Variants in PCM1 observed in about 807,000 individuals in gnomAD.
PCM1 encodes the protein pericentriolar material 1 protein.
In PCM1, 157 loss-of-function variants were observed where a neutral mutation model predicts 241.9. That is an observed-to-expected ratio of 0.65 (90% CI 0.57 to 0.74). The LOEUF (loss-of-function observed/expected upper bound fraction) is 0.74, where lower values mean the gene tolerates loss of function less well. Among genes scored for constraint, PCM1 ranks in the 30% least tolerant of loss-of-function variants. The pLI, the probability that PCM1 is intolerant of heterozygous loss-of-function variation, is 0.00. For synonymous variants in PCM1, 1,085 were observed against 784.9 expected (o/e 1.38, Z -6.39); for missense variants, 3,478 against 2,360.1 (o/e 1.47, Z -9.81).
intron 23 of PCM1, among the ~76,000 whole-genome samples, chr8:17,976,606 C>G (rs1291709634): frequency 6.6e-6 from 1 of 152,210 alleles, no homozygotes; most frequent in Non-Finnish European, 1.5e-5. Flanking sequence ...CAGACCTTAA[C>G]CTCTCTGCGC....
intron 29 of PCM1, 74 bp from the exon 30 acceptor site, chr8:18,006,189 G>A (rs1775290135): frequency 8.3e-7 from 1 of 1,198,874 alleles, no homozygotes; most frequent in African/African-American, 1.5e-5. Flanking sequence ...TTAACATTTT[G>A]TATTATATGG....
intron 10 of PCM1, 138 bp downstream of exon 10, chr8:17,955,791 G>A: frequency 2.8e-6 from 2 of 702,982 alleles, no homozygotes; most frequent in Non-Finnish European, 4.9e-6. Flanking sequence ...GGTAGAAGAG[G>A]CGTGTGTGTG....
chr8:17,960,579 C>T, intron 15 of PCM1, 135 bp downstream of exon 15: 2 of 591,986 alleles, frequency 3.4e-6, no homozygotes, highest in Non-Finnish European at 5.4e-6. Flanking sequence ...GGCTGAAGTG[C>T]AGTGGCGTGA....
At chr8:17,957,178 G>A (rs1027488712) in intron 11 of PCM1, 86 bp from the exon 12 acceptor site, 2 of 1,059,732 alleles carry the variant, frequency 1.9e-6, no homozygotes, top group South Asian at 1.8e-5. Flanking sequence ...TTGGTTTGGT[G>A]TTATTTTATT....
Position 18,028,841 on chromosome 8 carries a change from A to G in PCM1, c.*1179A>G, listed in dbSNP as rs421680. The G allele has an allele frequency of 0.071, 13,057 of 185,036 alleles. 734 individuals carry two copies. Among genetic ancestry groups the G allele is most frequent in the African/African-American group, 0.15 (6,621 of 42,718 alleles). The allele number at this position is 185,036 out of a possible 1,614,324, so 11.5% of individuals were successfully genotyped here. On this transcript the variant is annotated 3_prime_UTR_variant, in exon 39 of 39. Coordinates refer to ENST00000325083, the MANE Select transcript of PCM1 (RefSeq NM_006197.4). ...TACCCCATAAAAAAAGAACTTGTTG[A>G]GAGTATTTCTTTAAAATGGTTACTT... is the stretch of plus-strand genomic sequence containing the variant.
chr8:17,989,325 A>C (rs1019938688), intron 26 of PCM1, among the ~76,000 whole-genome samples: 1 of 152,008 alleles, frequency 6.6e-6, no homozygotes, highest in Admixed American at 6.6e-5. Context: ...GGCCAGTGGA[A>C]ATGGTCTTTA....
intron 24 of PCM1, among the ~76,000 whole-genome samples, chr8:17,982,841 T>C (rs1167778133): frequency 6.6e-6 from 1 of 152,086 alleles, no homozygotes; most frequent in African/African-American, 2.4e-5. Flanking sequence ...AAATTCCTTA[T>C]AGCATGTAAG....
intron 2 of PCM1, among the ~76,000 whole-genome samples, chr8:17,931,796 G>A (rs1271103817): frequency 1.3e-5 from 2 of 152,070 alleles, no homozygotes; most frequent in East Asian, 1.9e-4. Context: ...GAATACAGTA[G>A]TTGCAAAATG....
At chr8:17,945,287 C>G (rs976760014) in intron 6 of PCM1, among the ~76,000 whole-genome samples, 1 of 152,082 alleles carries the variant, frequency 6.6e-6, no homozygotes, top group African/African-American at 2.4e-5. Flanking sequence ...GGTAACTCCC[C>G]TTATATAGGA....
chr8:17,962,930 T>G, intron 16 of PCM1, 171 bp from the exon 17 acceptor site: 1 of 532,488 alleles, frequency 1.9e-6, no homozygotes, highest in East Asian at 3.3e-5. Flanking sequence ...GGCTGATTTT[T>G]TTGTAATCAT....
chr8:17,933,794 T>C (rs2059685665), intron 2 of PCM1, among the ~76,000 whole-genome samples: 1 of 152,146 alleles, frequency 6.6e-6, no homozygotes, highest in Non-Finnish European at 1.5e-5. Flanking sequence ...TTCATATTTG[T>C]CTGCTTGATA....
rs1401573283 is a variant in PCM1 at position 18,013,420 on chromosome 8, T to A, written c.5512-544T>A. On this transcript the variant is annotated intron_variant, in intron 34 of 38. Coordinates refer to ENST00000325083, the MANE Select transcript of PCM1 (RefSeq NM_006197.4). ...CAGGTTTGGGGCTCACTAGTTTAAT[T>A]TCTCTAAAATATAATCTGCCATTTT... Among the ~76,000 whole-genome samples, 6 of 152,298 alleles carry A rather than the reference T, an allele frequency of 3.9e-5. No homozygotes were observed. The East Asian group carries it at 1.2e-3, about 29-fold the overall frequency.
intron 10 of PCM1, 75 bp from the exon 11 acceptor site, chr8:17,956,529 A>G (rs953192801): frequency 3.4e-5 from 31 of 899,012 alleles, no homozygotes; most frequent in Admixed American, 1.0e-4. Flanking sequence ...GTTAGCTGCT[A>G]TGATATGAAA....
rs1586714054 is a variant in PCM1, at chr8:17,955,323, T to C, written c.1289-147T>C. ...TTGATGTGTTTAATTGTGGAGTAAG[T>C]TAATAAACAATTTTCTGAAATTTAA... On this transcript the variant is annotated intron_variant, in intron 9 of 38. Coordinates refer to ENST00000325083, the MANE Select transcript of PCM1 (RefSeq NM_006197.4). The C allele has an allele frequency of 3.7e-5, 22 of 587,536 alleles. No homozygotes were observed. The East Asian group carries it at 6.2e-4, about 17-fold the overall frequency. 36.4% of individuals were successfully genotyped at this position (587,536 alleles called of 1,614,324 possible).
In PCM1 at chr8:17,991,655, G is replaced by C; in HGVS notation, c.4645G>C (p.Asp1549His). ...NMRCTCRIIEDGDGAGAGTTV... is the reference protein window; with the variant it reads ...NMRCTCRIIEHGDGAGAGTTV... ...GAGATGCACCTGCAGGATTATTGAG[G>C]ATGGAGATGGTGCTGGTGCAGGTAC... is the stretch of plus-strand genomic sequence containing the variant. Residue 1549 changes from aspartate to histidine, a missense_variant, in exon 28 of 39, where the codon GAT becomes CAT. Coordinates refer to ENST00000325083, the MANE Select transcript of PCM1 (RefSeq NM_006197.4). 1 of 1,564,294 alleles carries C rather than the reference G, an allele frequency of 6.4e-7. No individual in the cohort carries two copies. The highest frequency in any genetic ancestry group is 8.7e-7 in the Non-Finnish European group (1 of 1,153,508).
chr8:17,939,347 G>A (rs1241413691), intron 5 of PCM1, among the ~76,000 whole-genome samples: 1 of 145,184 alleles, frequency 6.9e-6, no homozygotes, highest in African/African-American at 2.5e-5. Context: ...TTGAAAAGTT[G>A]TAAAACTATA....
At chr8:17,946,346 A>G (rs1213852942) in intron 6 of PCM1, among the ~76,000 whole-genome samples, 1 of 152,200 alleles carries the variant, frequency 6.6e-6, no homozygotes, top group African/African-American at 2.4e-5. Flanking sequence ...GTCTGATAAT[A>G]TGATGTGATT....
intron 15 of PCM1, among the ~76,000 whole-genome samples, chr8:17,961,689 C>T (rs1371667138): frequency 2.0e-5 from 3 of 152,292 alleles, no homozygotes; most frequent in African/African-American, 7.2e-5. Flanking sequence ...TTTCTAAACC[C>T]TTGCCTTTCC....
chr8:18,017,114 C>A (rs190725077), intron 36 of PCM1, among the ~76,000 whole-genome samples: 54 of 152,244 alleles, frequency 3.5e-4, no homozygotes, highest in Non-Finnish European at 1.2e-4. Context: ...AGAGCTACTT[C>A]TGTGGATAGC....
Sources: gnomAD v4.1 joint callset for allele counts (sites outside exome capture counted in the v4.1 genomes callset) on GRCh38, gnomAD v4.1.1 for gene constraint, MANE v1.5 for transcripts, NCBI Gene and HGNC (gene_info 2026-07-23, HGNC 2026-07-21) for gene names.